The following ROBO2 variants were observed in gnomAD, a reference collection of about 807,000 sequenced individuals.
ROBO2 encodes roundabout homolog 2.
ROBO2 carries 53 observed loss-of-function variants against 160.8 expected under a neutral mutation model. That is an observed-to-expected ratio of 0.33 (90% CI 0.26 to 0.41). ROBO2 has a LOEUF of 0.41. ROBO2 is among the 10% of genes least tolerant of loss of function. ROBO2 has a pLI of 1.00. For synonymous variants in ROBO2, 664 were observed against 611.7 expected (o/e 1.09, Z -1.26); for missense variants, 1,577 against 1,722.4 (o/e 0.92, Z 1.49).
At chr3:76,651,186 A>G (rs1403492522) in intron 2 of ROBO2, among the ~76,000 whole-genome samples, 1 of 152,150 alleles carries the variant, frequency 6.6e-6, no homozygotes, top group Admixed American at 6.5e-5. Flanking sequence ...GTATCTGTCC[A>G]TCTCTCAACT....
At chr3:77,167,036 T>C (rs1168974557) in intron 2 of ROBO2, among the ~76,000 whole-genome samples, 1 of 152,206 alleles carries the variant, frequency 6.6e-6, no homozygotes, top group East Asian at 1.9e-4. Context: ...CAAATGGTGA[T>C]AAGTTCATTA....
At chr3:76,658,698 G>C (rs1475398130) in intron 2 of ROBO2, among the ~76,000 whole-genome samples, 1 of 152,140 alleles carries the variant, frequency 6.6e-6, no homozygotes, top group Non-Finnish European at 1.5e-5. Flanking sequence ...GTATTCCAAG[G>C]TGTATATGTG....
intron 2 of ROBO2, among the ~76,000 whole-genome samples, chr3:76,922,359 G>A (rs774899762): frequency 1.2e-4 from 18 of 152,274 alleles, no homozygotes; most frequent in African/African-American, 2.9e-4. Flanking sequence ...GAACTGGGAC[G>A]TACAAAGGAG....
intron 1 of ROBO2, among the ~76,000 whole-genome samples, chr3:77,043,235 C>T (rs1232041157): frequency 6.6e-6 from 1 of 152,118 alleles, no homozygotes; most frequent in Non-Finnish European, 1.5e-5. Context: ...TTTACTTATT[C>T]TTCTTAGAGG....
At chr3:77,059,924 A>G (rs1174523031) in intron 1 of ROBO2, among the ~76,000 whole-genome samples, 2 of 152,074 alleles carry the variant, frequency 1.3e-5, no homozygotes, top group African/African-American at 4.8e-5. Flanking sequence ...GACCCTTCAG[A>G]GTATATACTA....
chr3:77,479,787 C>A (rs1269309765), intron 3 of ROBO2, among the ~76,000 whole-genome samples: 1 of 152,094 alleles, frequency 6.6e-6, no homozygotes, highest in Non-Finnish European at 1.5e-5. Context: ...ATGACCTTAC[C>A]CACAAGTCTG....
intron 2 of ROBO2, among the ~76,000 whole-genome samples, chr3:77,200,031 G>T (rs533907120): frequency 6.6e-6 from 1 of 151,068 alleles, no homozygotes; most frequent in African/African-American, 2.4e-5. Flanking sequence ...GTGAATAAAA[G>T]AGCAGGATTT....
At chr3:76,837,497 CAT>C (rs1407197754) in intron 2 of ROBO2, among the ~76,000 whole-genome samples, 2 of 151,206 alleles carry the variant, frequency 1.3e-5, no homozygotes, top group Non-Finnish European at 3.0e-5. Context: ...TATCATTTTA[CAT>C]AGTTTTTTTT....
chr3:77,342,105 C>T (rs548175836), intron 2 of ROBO2, among the ~76,000 whole-genome samples: 2 of 152,172 alleles, frequency 1.3e-5, no homozygotes, highest in East Asian at 1.9e-4. Context: ...GGCAAACATA[C>T]TATAGATATT....
intron 8 of ROBO2, among the ~76,000 whole-genome samples, chr3:77,551,708 C>G (rs972230251): frequency 3.3e-5 from 5 of 151,948 alleles, no homozygotes; most frequent in Non-Finnish European, 5.9e-5. Context: ...TTCTTACTCT[C>G]CTTTATTTGT....
chr3:77,328,062 C>A (rs1330502837), intron 2 of ROBO2, among the ~76,000 whole-genome samples: 94 of 112,798 alleles, frequency 8.3e-4, no homozygotes, highest in African/African-American at 1.9e-3. Flanking sequence ...GACCGTATCT[C>A]AAAAAAAAAA....
intron 2 of ROBO2, among the ~76,000 whole-genome samples, chr3:77,212,288 C>G (rs1242070899): frequency 6.6e-6 from 1 of 152,140 alleles, no homozygotes; most frequent in Non-Finnish European, 1.5e-5. Context: ...AGAGGTCCTT[C>G]ACATCCCTTG....
At chr3:76,575,480 A>T (rs2085229811) in intron 2 of ROBO2, among the ~76,000 whole-genome samples, 1 of 152,000 alleles carries the variant, frequency 6.6e-6, no homozygotes, top group African/African-American at 2.4e-5. Flanking sequence ...CGGTTTTTGA[A>T]AATGTTCAAA....
At chr3:76,010,912 A>G (rs1383793909) in intron 2 of ROBO2, among the ~76,000 whole-genome samples, 1 of 152,238 alleles carries the variant, frequency 6.6e-6, no homozygotes, top group Non-Finnish European at 1.5e-5. Flanking sequence ...TCACATATTT[A>G]GTACAAAATA....
At chr3:77,523,812 G>A (rs754332182) in intron 6 of ROBO2, among the ~76,000 whole-genome samples, 9 of 151,190 alleles carry the variant, frequency 6.0e-5, no homozygotes, top group South Asian at 2.1e-4. Context: ...CTCATCCTTC[G>A]TGATAAAGAG....
At chr3:76,466,578 A>G (rs2078373110) in intron 2 of ROBO2, among the ~76,000 whole-genome samples, 1 of 151,998 alleles carries the variant, frequency 6.6e-6, no homozygotes, top group Non-Finnish European at 1.5e-5. Flanking sequence ...TAAATATCTG[A>G]TAATCAATAT....
chr3:76,919,011 A>G (rs567545146), intron 2 of ROBO2, among the ~76,000 whole-genome samples: 61 of 151,168 alleles, frequency 4.0e-4, no homozygotes, highest in Non-Finnish European at 7.4e-4. Flanking sequence ...GCCACTTTTA[A>G]TGGGCTATTT....
intron 2 of ROBO2, among the ~76,000 whole-genome samples, chr3:77,399,903 C>T (rs2075638378): frequency 6.6e-6 from 1 of 152,152 alleles, no homozygotes; most frequent in African/African-American, 2.4e-5. Flanking sequence ...GGTGATTCCA[C>T]TGAAACCCAT....
chr3:76,526,785 A>C (rs1434335362), intron 2 of ROBO2, among the ~76,000 whole-genome samples: 1 of 152,092 alleles, frequency 6.6e-6, no homozygotes, highest in Non-Finnish European at 1.5e-5. Flanking sequence ...AATGTCCTAC[A>C]TAAATTCTTT....
Sources: gnomAD v4.1 joint callset for allele counts (sites outside exome capture counted in the v4.1 genomes callset) on GRCh38, gnomAD v4.1.1 for gene constraint, MANE v1.5 for transcripts, NCBI Gene and HGNC (gene_info 2026-07-23, HGNC 2026-07-21) for gene names.